The following PTX3 variants were observed in gnomAD, a reference collection of about 807,000 sequenced individuals.
PTX3 encodes pentraxin-related protein PTX3.
Under a neutral mutation model 23.5 loss-of-function variants are expected in PTX3, and 24 were observed. The observed-to-expected ratio is 1.02, with a 90% CI of 0.74 to 1.43. The LOEUF is 1.43. PTX3 is among the 40% of genes most tolerant of loss of function. The pLI, the probability that PTX3 is intolerant of heterozygous loss-of-function variation, is 0.00. For missense variants in PTX3, 510 were observed against 497.5 expected (o/e 1.02, Z -0.24); for synonymous variants, 218 against 205.4 (o/e 1.06, Z -0.53).
At position 157,437,778 on chromosome 3, in the gene PTX3, G is replaced by A. The variant is rs1431216595; in HGVS notation, c.396G>A (p.Ala132=). The change falls in exon 2 of 3, where the codon GCG becomes GCA. Residue 132 remains alanine (A), a synonymous_variant. Transcript: ENST00000295927. Reference sequence around the variant, plus strand: ...CCCGCGACGCGGGCCGCAGGCTGGCGCGTATGGAGGGCGCGGAGGCGCAGC... The same window carrying A: ...CCCGCGACGCGGGCCGCAGGCTGGCACGTATGGAGGGCGCGGAGGCGCAGC... ...QATRDAGRRL[A]RMEGAEAQRP... The A allele has an allele frequency of 6.8e-7, 1 of 1,475,492 alleles. No homozygotes were observed. The highest frequency in any genetic ancestry group is 8.9e-7 in the Non-Finnish European group (1 of 1,124,936). The allele number at this position is 1,475,492 out of a possible 1,614,324, so 91.4% of individuals were successfully genotyped here.
rs759937518 is a variant in PTX3 at position 157,437,737 on chromosome 3, G to T, written c.355G>T (p.Glu119Ter). 9 of 1,503,686 alleles carry T rather than the reference G, an allele frequency of 6.0e-6. No individual in the cohort carries two copies. The highest frequency in any genetic ancestry group is 5.4e-5 in the East Asian group (2 of 37,192). 93.1% of individuals were successfully genotyped at this position (1,503,686 alleles called of 1,614,324 possible). A position where few individuals can be genotyped will look rare whatever the true frequency, so the allele number is the denominator to read the frequency against. The change falls in exon 2 of 3, where the codon GAG (glutamate) becomes TAG (stop). Residue 119 changes from glutamate (E) to a stop codon, truncating the protein, a stop_gained. Transcript: ENST00000295927. LOFTEE classifies it high-confidence loss of function. ...GGCCAGGCTGACCAGTGCTCTGGACGAGCTGCTGCAGGCGACCCGCGACGC... is the reference window on the plus strand; with the variant it reads ...GGCCAGGCTGACCAGTGCTCTGGACTAGCTGCTGCAGGCGACCCGCGACGC... ...AEARLTSALD[E>*]LLQATRDAGR... is the part of the protein sequence containing the mutation.
Position 157,442,802 on chromosome 3 carries a change from T to C in PTX3, c.969T>C (p.Phe323=), listed in dbSNP as rs1425958878. The C allele has an allele frequency of 6.2e-7, 1 of 1,614,224 alleles. No individual in the cohort carries two copies. Among genetic ancestry groups the C allele is most frequent in the Non-Finnish European group, 8.5e-7 (1 of 1,180,038 alleles). The change falls in exon 3 of 3, where the codon TTT becomes TTC. Residue 323 remains phenylalanine, a synonymous_variant. Coordinates refer to ENST00000295927, the MANE Select transcript of PTX3 (RefSeq NM_002852.4). ...EKNGCCVGGG[F]DETLAFSGRL... ...ATGGCTGCTGTGTGGGTGGTGGCTT[T>C]GATGAAACATTAGCCTTCTCTGGGA...
chr3:157,437,651 A>C lies in PTX3; in HGVS notation c.269A>C (p.Glu90Ala), dbSNP rs1240016621. ...VLRGELQRLR[E>A]ELGRLAESLA... is the part of the protein sequence containing the mutation. ...CGGGGCGAGCTGCAGAGGCTGCGGG[A>C]GGAGCTGGGCCGGCTCGCGGAAAGC... Residue 90 changes from glutamate (E) to alanine (A), a missense_variant, in exon 2 of 3, where the codon GAG becomes GCG. Physicochemically the swap from Glu to Ala is moderately radical, Grantham distance 107. Coordinates refer to ENST00000295927, the MANE Select transcript of PTX3 (RefSeq NM_002852.4). 1 of 1,546,502 alleles carries C rather than the reference A, an allele frequency of 6.5e-7. No individual in the cohort carries two copies. The highest frequency in any genetic ancestry group is 1.4e-5 in the African/African-American group (1 of 73,126).
At chr3:157,442,164 G>A (rs1024919995) in intron 2 of PTX3, among the ~76,000 whole-genome samples, 3 of 152,010 alleles carry the variant, frequency 2.0e-5, no homozygotes, top group African/African-American at 7.2e-5. Context: ...ATGCTTCATT[G>A]GATAAGACAA....
At chr3:157,441,126 TTAG>T (rs750574825) in intron 2 of PTX3, among the ~76,000 whole-genome samples, 1 of 152,176 alleles carries the variant, frequency 6.6e-6, no homozygotes, top group Non-Finnish European at 1.5e-5. Flanking sequence ...GCATGGCTCA[TTAG>T]TAGTAACACC....
chr3:157,437,934 C>G lies in PTX3; in HGVS notation c.532+20C>G. 1 of 1,527,162 alleles carries G rather than the reference C, an allele frequency of 6.5e-7. No individual in the cohort carries two copies. Among genetic ancestry groups the G allele is most frequent in the South Asian group, 1.2e-5 (1 of 83,370 alleles). The allele number at this position is 1,527,162 out of a possible 1,614,324, so 94.6% of individuals were successfully genotyped here. On this transcript the variant is annotated intron_variant, in intron 2 of 2. Transcript: ENST00000295927. ...CGGCAGGTAAGGAGGCAAGCGGGGCCGGGACCTCCCACTGCGGCTTTGTTC... is the reference window on the plus strand; with the variant it reads ...CGGCAGGTAAGGAGGCAAGCGGGGCGGGGACCTCCCACTGCGGCTTTGTTC...
At position 157,442,544 on chromosome 3, in the gene PTX3, G is replaced by A; in HGVS notation, c.711G>A (p.Gln237=). The change falls in exon 3 of 3, where the codon CAG becomes CAA. Residue 237 remains glutamine (Q), a synonymous_variant. Coordinates refer to ENST00000295927, the MANE Select transcript of PTX3 (RefSeq NM_002852.4). ...CAAAGAGGAATCCATATGAAATCCA[G>A]CTGTATCTCAGCTACCAATCCATAG... is the stretch of plus-strand genomic sequence containing the variant. ...YGTKRNPYEI[Q]LYLSYQSIVF... The A allele has an allele frequency of 6.2e-7, 1 of 1,614,172 alleles. No individual in the cohort carries two copies. Among genetic ancestry groups the A allele is most frequent in the Non-Finnish European group, 8.5e-7 (1 of 1,180,032 alleles).
intron 1 of PTX3, 37 bp from the exon 2 acceptor site, chr3:157,437,476 G>C: frequency 1.3e-6 from 2 of 1,575,634 alleles, no homozygotes; most frequent in Non-Finnish European, 1.7e-6. Flanking sequence ...AGGCAGGCCT[G>C]GGCGGGCTGC....
intron 2 of PTX3, 127 bp from the exon 3 acceptor site, chr3:157,442,239 A>C: frequency 1.1e-6 from 1 of 876,002 alleles, no homozygotes; most frequent in Non-Finnish European, 1.7e-6. Flanking sequence ...CTTAAGTCGT[A>C]ATGTAGGGTT....
rs1184511603 is a variant in PTX3, at chr3:157,437,927, G to GCGGGGC, written c.532+18_532+23dup. 1.3e-6 allele frequency: 2 copies of GCGGGGC among 1,528,444 alleles called. No individual in the cohort carries two copies. Among genetic ancestry groups the GCGGGGC allele is most frequent in the African/African-American group, 2.8e-5 (2 of 71,812 alleles). 94.7% of individuals were successfully genotyped at this position (1,528,444 alleles called of 1,614,324 possible). On this transcript the variant is annotated intron_variant, in intron 2 of 2. Transcript: ENST00000295927. Reference sequence around the variant, plus strand: ...TGGCTGCCGGCAGGTAAGGAGGCAAGCGGGGCCGGGACCTCCCACTGCGGC... The same window carrying GCGGGGC: ...TGGCTGCCGGCAGGTAAGGAGGCAAGCGGGGCCGGGGCCGGGACCTCCCACTGCGGC...
At position 157,442,987 on chromosome 3, in the gene PTX3, G is replaced by A. The variant is rs373942546; in HGVS notation, c.*8G>A. 1.3e-5 allele frequency: 20 copies of A among 1,580,960 alleles called. No individual in the cohort carries two copies. Among genetic ancestry groups the A allele is most frequent in the Admixed American group, 1.9e-5 (1 of 53,428 alleles). ...GCTCAGTATGTTTCATAAATGTTGT[G>A]AAACTCCACTTGAAGCCAAAGAAAG... On this transcript the variant is annotated 3_prime_UTR_variant, in exon 3 of 3. Transcript: ENST00000295927.
chr3:157,438,227 C>A (rs1397847199), intron 2 of PTX3, among the ~76,000 whole-genome samples: 1 of 151,996 alleles, frequency 6.6e-6, no homozygotes, highest in Non-Finnish European at 1.5e-5. Context: ...GCCCCTTACA[C>A]CCGATCCGAC....
At chr3:157,437,118 G>T in intron 1 of PTX3, 55 bp downstream of exon 1, 1 of 1,592,356 alleles carries the variant, frequency 6.3e-7, no homozygotes, top group South Asian at 1.1e-5. Flanking sequence ...CCACCTCTTG[G>T]TCTAAATAAC....
In PTX3 at chr3:157,442,570, T is replaced by A; in HGVS notation, c.737T>A (p.Val246Glu). Reference sequence around the variant, plus strand: ...CTGTATCTCAGCTACCAATCCATAGTGTTTGTGGTGGGTGGAGAGGAGAAC... The same window carrying A: ...CTGTATCTCAGCTACCAATCCATAGAGTTTGTGGTGGGTGGAGAGGAGAAC... ...IQLYLSYQSI[V>E]FVVGGEENKL... The change falls in exon 3 of 3, where the codon GTG becomes GAG. Residue 246 changes from valine (V) to glutamate (E), a missense_variant. Physicochemically the swap from Val to Glu is moderately radical, Grantham distance 121. Coordinates refer to ENST00000295927, the MANE Select transcript of PTX3 (RefSeq NM_002852.4). 6.2e-7 allele frequency: 1 copy of A among 1,614,244 alleles called. No homozygotes were observed. Among genetic ancestry groups the A allele is most frequent in the Non-Finnish European group, 8.5e-7 (1 of 1,180,046 alleles).
In PTX3 at chr3:157,437,888, G is replaced by C; in HGVS notation, c.506G>C (p.Trp169Ser). 1 of 1,520,214 alleles carries C rather than the reference G, an allele frequency of 6.6e-7. No individual in the cohort carries two copies. The highest frequency in any genetic ancestry group is 8.8e-7 in the Non-Finnish European group (1 of 1,141,554). 94.2% of individuals were successfully genotyped at this position (1,520,214 alleles called of 1,614,324 possible). The change falls in exon 2 of 3, where the codon TGG becomes TCG. Residue 169 changes from tryptophan (W) to serine (S), a missense_variant. Transcript: ENST00000295927. ...GCCGACCTGCACGCGGTGCAGGGCT[G>C]GGCTGCCCGGAGCTGGCTGCCGGCA... ...TRADLHAVQG[W>S]AARSWLPAGC...
At chr3:157,442,272 A>C (rs2316706) in intron 2 of PTX3, 94 bp from the exon 3 acceptor site, 623,744 of 1,153,884 alleles carry the variant, frequency 0.54, 171,424 homozygotes, top group African/African-American at 0.71. Context: ...CAATTGTAAT[A>C]ATTAAAATTC....
chr3:157,437,714 C>A lies in PTX3; in HGVS notation c.332C>A (p.Ala111Asp). 1 of 1,530,016 alleles carries A rather than the reference C, an allele frequency of 6.5e-7. No homozygotes were observed. Among genetic ancestry groups the A allele is most frequent in the Non-Finnish European group, 8.7e-7 (1 of 1,143,818 alleles). The allele number at this position is 1,530,016 out of a possible 1,614,324, so 94.8% of individuals were successfully genotyped here. ...TGCGCGCCGGGGGCTCCCGCAGAGGCCAGGCTGACCAGTGCTCTGGACGAG... is the reference window on the plus strand; with the variant it reads ...TGCGCGCCGGGGGCTCCCGCAGAGGACAGGCTGACCAGTGCTCTGGACGAG... Reference protein sequence around the residue: ...RPCAPGAPAEARLTSALDELL... With the variant: ...RPCAPGAPAEDRLTSALDELL... The change falls in exon 2 of 3, where the codon GCC (alanine) becomes GAC (aspartate). Residue 111 changes from alanine (A) to aspartate (D), a missense_variant. Transcript: ENST00000295927.
chr3:157,441,718 G>A (rs956992404), intron 2 of PTX3, among the ~76,000 whole-genome samples: 3 of 151,860 alleles, frequency 2.0e-5, no homozygotes, highest in Non-Finnish European at 4.4e-5. Context: ...GCTGAGGCAG[G>A]AGAATCGCTT....
At chr3:157,439,403 T>TA (rs1733935884) in intron 2 of PTX3, among the ~76,000 whole-genome samples, 1 of 152,262 alleles carries the variant, frequency 6.6e-6, no homozygotes, top group African/African-American at 2.4e-5. Flanking sequence ...GCTTGGCTCC[T>TA]AACCATTCTG....
Sources: gnomAD v4.1 joint callset for allele counts (sites outside exome capture counted in the v4.1 genomes callset) on GRCh38, gnomAD v4.1.1 for gene constraint, MANE v1.5 for transcripts, NCBI Gene and HGNC (gene_info 2026-07-23, HGNC 2026-07-21) for gene names.